ONECUT3: variants seen among roughly 807,000 people sequenced by gnomAD.
ONECUT3 encodes one cut homeobox 3.
Under a neutral mutation model 16.8 loss-of-function variants are expected in ONECUT3, and 11 were observed. The ratio of observed to expected loss-of-function variants is 0.66; its 90% CI spans 0.41 to 1.09. The LOEUF (loss-of-function observed/expected upper bound fraction) is 1.09. ONECUT3 is among the 50% of genes least tolerant of loss of function. The pLI is 0.00. For missense variants in ONECUT3, 637 were observed against 629.9 expected (o/e 1.01, Z -0.12); for synonymous variants, 344 against 310.7 (o/e 1.11, Z -1.13).
At position 1,775,412 on chromosome 19, in the gene ONECUT3, C is replaced by G. The variant is rs1461650842; in HGVS notation, c.1452C>G (p.Pro484=). The part of the protein sequence containing the change: ...AEEPSTAPGG[P]AGATATFSKA ...AGCCCAGCACGGCCCCCGGGGGCCC[C>G]GCCGGCGCCACGGCCACTTTCTCCA... is the stretch of plus-strand genomic sequence containing the variant. The change falls in exon 2 of 2, where the codon CCC becomes CCG. Residue 484 remains proline (P), a synonymous_variant. Coordinates refer to ENST00000382349, the MANE Select transcript of ONECUT3 (RefSeq NM_001080488.2). The G allele has an allele frequency of 3.3e-6, 5 of 1,528,164 alleles. No individual in the cohort carries two copies. In the Admixed American group the frequency reaches 8.5e-5, roughly 26 times the overall value. 94.7% of individuals were successfully genotyped at this position (1,528,164 alleles called of 1,614,324 possible).
In ONECUT3 at chr19:1,762,022, C is replaced by T. The variant is rs189487155; in HGVS notation, c.1192+7168C>T. Reference sequence around the variant, plus strand: ...ACAAGTGTAGACGCACCCGGAGACACGTGTGTAGACGCCTCCGTTCACACT... The same window carrying T: ...ACAAGTGTAGACGCACCCGGAGACATGTGTGTAGACGCCTCCGTTCACACT... On this transcript the variant is annotated intron_variant, in intron 1 of 1. Transcript: ENST00000382349. This position sits in a 1 kb window ranked among gnomAD's most constrained non-coding sequence, Gnocchi z 4.4. Among the ~76,000 whole-genome samples the T allele has an allele frequency of 6.6e-6, 1 of 152,128 alleles. No individual in the cohort carries two copies. The highest frequency in any genetic ancestry group is 1.5e-5 in the Non-Finnish European group (1 of 68,012).
Position 1,771,611 on chromosome 19 carries a change from G to A in ONECUT3, c.1193-3542G>A, listed in dbSNP as rs546617742. Among the ~76,000 whole-genome samples the A allele has an allele frequency of 3.3e-5, 5 of 152,132 alleles. 1 individual carries two copies. In the South Asian group the frequency reaches 1.0e-3, roughly 32 times the overall value. On this transcript the variant is annotated intron_variant, in intron 1 of 1. Coordinates refer to ENST00000382349, the MANE Select transcript of ONECUT3 (RefSeq NM_001080488.2). ...TTTTTAGGATTTTCTCTTTATTCTT[G>A]GTGCTCTGAAATTTCACAACAACGA...
chr19:1,769,619 G>A (rs1010023615), intron 1 of ONECUT3, among the ~76,000 whole-genome samples: 2 of 151,990 alleles, frequency 1.3e-5, no homozygotes, highest in African/African-American at 4.8e-5. Flanking sequence ...GTGCTGGCGG[G>A]GGTCAGGTGG....
At position 1,754,838 on chromosome 19, in the gene ONECUT3, G is replaced by T. The variant is rs1270742732; in HGVS notation, c.1176G>T (p.Ser392=). ...AGGAGCCAGAGTTCCAGCGCATGTC[G>T]GCGCTGCGCTTGGCAGGTAGGAGCG... ...WLQEPEFQRM[S]ALRLAACKRK... Residue 392 remains serine, a synonymous_variant, in exon 1 of 2, where the codon TCG becomes TCT. Transcript: ENST00000382349. The surrounding 1 kb of genome is among the most constrained non-coding windows in gnomAD (Gnocchi z 7.4). The T allele has an allele frequency of 1.3e-6, 2 of 1,516,546 alleles. No homozygotes were observed. The highest frequency in any genetic ancestry group is 1.8e-6 in the Non-Finnish European group (2 of 1,129,738). The allele number at this position is 1,516,546 out of a possible 1,614,324, so 93.9% of individuals were successfully genotyped here. A position where few individuals can be genotyped will look rare whatever the true frequency, so the allele number is the denominator to read the frequency against.
chr19:1,766,073 C>T lies in ONECUT3; in HGVS notation c.1193-9080C>T, dbSNP rs569883346. On this transcript the variant is annotated intron_variant, in intron 1 of 1. Coordinates refer to ENST00000382349, the MANE Select transcript of ONECUT3 (RefSeq NM_001080488.2). This position sits in a 1 kb window ranked among gnomAD's most constrained non-coding sequence, Gnocchi z 4.0. ...CTGATGCCGGTTTTCCCGCCCAGAA[C>T]TGGAACAGCTTTCCTAACGGTCACA... 6.6e-6 allele frequency among the ~76,000 whole-genome samples: 1 copy of T among 152,352 alleles called. No individual in the cohort carries two copies. The highest frequency in any genetic ancestry group is 1.9e-4 in the East Asian group (1 of 5,180).
intron 1 of ONECUT3, among the ~76,000 whole-genome samples, chr19:1,767,499 G>T (rs893755284): frequency 6.6e-6 from 1 of 152,134 alleles, no homozygotes; most frequent in Non-Finnish European, 1.5e-5. Context: ...AATCCCAAGG[G>T]GTCTGCAGGA....
Position 1,758,017 on chromosome 19 carries a change from G to C in ONECUT3, c.1192+3163G>C, listed in dbSNP as rs1355946459. 1.3e-5 allele frequency among the ~76,000 whole-genome samples: 2 copies of C among 152,226 alleles called. No homozygotes were observed. The highest frequency in any genetic ancestry group is 4.8e-5 in the African/African-American group (2 of 41,466). Reference sequence around the variant, plus strand: ...CTTTGCGCCCCGGGTCTCCCGTCGCGCTTGCCCGGCTCGGGGCGGGCCACG... The same window carrying C: ...CTTTGCGCCCCGGGTCTCCCGTCGCCCTTGCCCGGCTCGGGGCGGGCCACG... On this transcript the variant is annotated intron_variant, in intron 1 of 1. Transcript: ENST00000382349. The surrounding 1 kb of genome is among the most constrained non-coding windows in gnomAD (Gnocchi z 5.9).
chr19:1,770,860 T>C (rs1460307679), intron 1 of ONECUT3, among the ~76,000 whole-genome samples: 1 of 152,238 alleles, frequency 6.6e-6, no homozygotes, highest in Non-Finnish European at 1.5e-5. Flanking sequence ...GGCTCCCTGG[T>C]ACACTGTTCA....
Position 1,766,146 on chromosome 19 carries a change from C to T in ONECUT3, c.1193-9007C>T, listed in dbSNP as rs534651678. 2.0e-5 allele frequency among the ~76,000 whole-genome samples: 3 copies of T among 152,368 alleles called. No homozygotes were observed. Among genetic ancestry groups the T allele is most frequent in the African/African-American group, 7.2e-5 (3 of 41,586 alleles). ...GTGGGGTTTGGATGTGCAAGGCTGC[C>T]GACCCCCATCGTGGTTGAGCGCCCG... is the stretch of plus-strand genomic sequence containing the variant. On this transcript the variant is annotated intron_variant, in intron 1 of 1. Coordinates refer to ENST00000382349, the MANE Select transcript of ONECUT3 (RefSeq NM_001080488.2). This position sits in a 1 kb window ranked among gnomAD's most constrained non-coding sequence, Gnocchi z 4.0.
intron 1 of ONECUT3, 27 bp from the exon 2 acceptor site, chr19:1,775,126 G>GGGCCCCCCCC: frequency 2.2e-4 from 257 of 1,143,548 alleles, no homozygotes; most frequent in Middle Eastern, 3.0e-4. Context: ...TGTCCCGCTC[G>GGGCCCCCCCC]CCCGCCCGCC....
chr19:1,772,541 G>T (rs1349166808), intron 1 of ONECUT3, among the ~76,000 whole-genome samples: 1 of 151,882 alleles, frequency 6.6e-6, no homozygotes, highest in Non-Finnish European at 1.5e-5. Flanking sequence ...TTCATTATTT[G>T]ATCATCTCTT....
At position 1,762,217 on chromosome 19, in the gene ONECUT3, C is replaced by T. The variant is rs1388099741; in HGVS notation, c.1192+7363C>T. 2.0e-5 allele frequency among the ~76,000 whole-genome samples: 3 copies of T among 152,206 alleles called. No individual in the cohort carries two copies. The highest frequency in any genetic ancestry group is 7.2e-5 in the African/African-American group (3 of 41,456). On this transcript the variant is annotated intron_variant, in intron 1 of 1. Transcript: ENST00000382349. This position sits in a 1 kb window ranked among gnomAD's most constrained non-coding sequence, Gnocchi z 4.4. ...GCTGGCTGCTGGGGGTCCTGCGTGC[C>T]TTCCGCGCGCCCCCAGCTGCGCCCG...
intron 1 of ONECUT3, 21 bp from the exon 2 acceptor site, chr19:1,775,132 C>A (rs754091611): frequency 7.9e-7 from 1 of 1,269,078 alleles, no homozygotes; most frequent in Non-Finnish European, 1.1e-6. Context: ...GCTCGCCCGC[C>A]CGCCCGCCGC....
In ONECUT3 at chr19:1,754,133, G is replaced by A. The variant is rs2067903605; in HGVS notation, c.471G>A (p.Pro157=). The change falls in exon 1 of 2, where the codon CCG becomes CCA. Residue 157 remains proline (P), a synonymous_variant. Transcript: ENST00000382349. The surrounding 1 kb of genome is among the most constrained non-coding windows in gnomAD (Gnocchi z 7.4). ...PAAAPPPPPP[P]QRLAASVSGS... is the part of the protein sequence containing the mutation. ...CCGCGCCGCCCCCGCCACCCCCGCC[G>A]CAGCGTCTGGCGGCCAGCGTGAGCG... The A allele has an allele frequency of 6.0e-6, 6 of 994,470 alleles. No individual in the cohort carries two copies. The highest frequency in any genetic ancestry group is 4.8e-6 in the Non-Finnish European group (4 of 837,462). 61.6% of individuals were successfully genotyped at this position (994,470 alleles called of 1,614,324 possible). A position where few individuals can be genotyped will look rare whatever the true frequency, so the allele number is the denominator to read the frequency against.
chr19:1,754,907 C>T lies in ONECUT3; in HGVS notation c.1192+53C>T, dbSNP rs144345336. ...CCTGGGGGCGCCGGCTCTGGACTCC[C>T]GAGCACCTAGCGGGGCGGCGGCCGA... is the stretch of plus-strand genomic sequence containing the variant. On this transcript the variant is annotated intron_variant, in intron 1 of 1. Coordinates refer to ENST00000382349, the MANE Select transcript of ONECUT3 (RefSeq NM_001080488.2). The surrounding 1 kb of genome is among the most constrained non-coding windows in gnomAD (Gnocchi z 7.4). 8.4e-3 allele frequency: 10,931 copies of T among 1,303,652 alleles called. 37 individuals are homozygous for T. The highest frequency in any genetic ancestry group is 9.7e-3 in the Non-Finnish European group (9,923 of 1,022,486). The allele number at this position is 1,303,652 out of a possible 1,614,324, so 80.8% of individuals were successfully genotyped here.
chr19:1,759,567 A>G lies in ONECUT3; in HGVS notation c.1192+4713A>G, dbSNP rs1568593362. Among the ~76,000 whole-genome samples, 1 of 151,944 alleles carries G rather than the reference A, an allele frequency of 6.6e-6. No individual in the cohort carries two copies. Among genetic ancestry groups the G allele is most frequent in the Non-Finnish European group, 1.5e-5 (1 of 67,992 alleles). On this transcript the variant is annotated intron_variant, in intron 1 of 1. Transcript: ENST00000382349. This position sits in a 1 kb window ranked among gnomAD's most constrained non-coding sequence, Gnocchi z 4.1. ...CCCCTGTGCCTTTTGCAAAAACCCC[A>G]CTTTCCACTGCAAGGGGTCCACGCC...
chr19:1,758,577 G>A lies in ONECUT3; in HGVS notation c.1192+3723G>A, dbSNP rs1245374505. On this transcript the variant is annotated intron_variant, in intron 1 of 1. Transcript: ENST00000382349. The surrounding 1 kb of genome is among the most constrained non-coding windows in gnomAD (Gnocchi z 5.9). ...TGTGCGTGTGGTGGGCCGAATTCTG[G>A]GTCTGACACTGTCAGATTCTGGACC... 2.0e-5 allele frequency among the ~76,000 whole-genome samples: 3 copies of A among 152,250 alleles called. No individual in the cohort carries two copies. Among genetic ancestry groups the A allele is most frequent in the Admixed American group, 2.0e-4 (3 of 15,286 alleles).
chr19:1,774,602 G>A (rs1383264104), intron 1 of ONECUT3, among the ~76,000 whole-genome samples: 2 of 152,020 alleles, frequency 1.3e-5, no homozygotes, highest in Non-Finnish European at 2.9e-5. Context: ...CCCCAGGTTG[G>A]GGCTGCAGAA....
chr19:1,757,112 A>G (rs1198804994), intron 1 of ONECUT3, among the ~76,000 whole-genome samples: 1 of 133,934 alleles, frequency 7.5e-6, no homozygotes, highest in Admixed American at 8.1e-5. Flanking sequence ...AGAAGGGCAA[A>G]CCGCAGGCGA....
Sources: gnomAD v4.1 joint callset for allele counts (sites outside exome capture counted in the v4.1 genomes callset) on GRCh38, gnomAD v4.1.1 for gene constraint, Gnocchi (gnomAD v3.1) non-coding constraint, MANE v1.5 for transcripts, NCBI Gene and HGNC (gene_info 2026-07-23, HGNC 2026-07-21) for gene names.